Variants in CSMD1 observed in about 807,000 individuals in gnomAD.
The protein encoded by CSMD1 is CUB and Sushi multiple domains 1.
CSMD1 carries 213 observed loss-of-function variants against 417.5 expected under a neutral mutation model. The ratio of observed to expected loss-of-function variants is 0.51; its 90% CI spans 0.46 to 0.57. The LOEUF (loss-of-function observed/expected upper bound fraction) is 0.57, where lower values mean the gene tolerates loss of function less well. CSMD1 is among the 20% of genes least tolerant of loss of function. CSMD1 has a pLI of 0.00. For synonymous variants in CSMD1, 2,862 were observed against 1,736.8 expected, an observed-to-expected ratio of 1.65 and a Z score of -16.11; for missense variants, 6,923 against 4,529.7, an observed-to-expected ratio of 1.53 and a Z score of -15.17.
intron 23 of CSMD1, among the ~76,000 whole-genome samples, chr8:3,333,106 G>A (rs141003351): frequency 5.8e-4 from 88 of 152,292 alleles, no homozygotes; most frequent in African/African-American, 2.1e-3. Flanking sequence ...GCACCAAGGA[G>A]CTGGGAGTCT....
At chr8:3,518,707 G>C (rs755449783) in intron 10 of CSMD1, among the ~76,000 whole-genome samples, 4 of 152,180 alleles carry the variant, frequency 2.6e-5, no homozygotes, top group Non-Finnish European at 4.4e-5. Context: ...TAAGTAAGTA[G>C]TTGGTGTGGT....
At chr8:3,175,317 T>C (rs1353146442) in intron 37 of CSMD1, among the ~76,000 whole-genome samples, 1 of 152,198 alleles carries the variant, frequency 6.6e-6, no homozygotes, top group Non-Finnish European at 1.5e-5. Context: ...TTTTTCCTCA[T>C]AACCACAAAT....
At chr8:4,297,988 C>G (rs989863860) in intron 3 of CSMD1, among the ~76,000 whole-genome samples, 25 of 152,018 alleles carry the variant, frequency 1.6e-4, no homozygotes, top group African/African-American at 5.8e-4. Context: ...TGAAGAGGTG[C>G]TAAAATGTAG....
At chr8:3,476,276 T>C (rs1011902023) in intron 11 of CSMD1, among the ~76,000 whole-genome samples, 1 of 152,220 alleles carries the variant, frequency 6.6e-6, no homozygotes, top group Non-Finnish European at 1.5e-5. Flanking sequence ...TCCCATGTTG[T>C]TGTGTGTATC....
At chr8:4,977,863 A>G (rs753808479) in intron 1 of CSMD1, among the ~76,000 whole-genome samples, 2 of 152,248 alleles carry the variant, frequency 1.3e-5, no homozygotes, top group Non-Finnish European at 2.9e-5. Flanking sequence ...GCACAGTGGA[A>G]GAAGACCCAT....
intron 41 of CSMD1, among the ~76,000 whole-genome samples, chr8:3,138,386 C>G (rs934559815): frequency 1.3e-5 from 2 of 152,164 alleles, no homozygotes; most frequent in African/African-American, 2.4e-5. Flanking sequence ...CTTCAGGGTT[C>G]CATCCCAAGT....
intron 5 of CSMD1, among the ~76,000 whole-genome samples, chr8:3,807,378 C>T (rs1800805021): frequency 2.0e-5 from 3 of 152,150 alleles, no homozygotes; most frequent in African/African-American, 7.2e-5. Flanking sequence ...TATTCCCAAG[C>T]CCTTTATAGA....
intron 1 of CSMD1, among the ~76,000 whole-genome samples, chr8:4,722,882 T>C (rs994675996): frequency 6.6e-6 from 1 of 152,120 alleles, no homozygotes; most frequent in East Asian, 1.9e-4. Flanking sequence ...AGATTTCTCC[T>C]CTGTGAAATA....
intron 1 of CSMD1, among the ~76,000 whole-genome samples, chr8:4,651,173 A>G (rs1003766662): frequency 5.9e-5 from 9 of 152,208 alleles, no homozygotes; most frequent in African/African-American, 1.9e-4. Context: ...AAATCAAATT[A>G]TTGTACCAAA....
chr8:3,743,007 C>G (rs931354827), intron 6 of CSMD1, among the ~76,000 whole-genome samples: 1 of 152,206 alleles, frequency 6.6e-6, no homozygotes, highest in African/African-American at 2.4e-5. Context: ...CCACGCCACC[C>G]TTGGAACATA....
intron 3 of CSMD1, among the ~76,000 whole-genome samples, chr8:4,177,403 C>T (rs538659149): frequency 3.1e-4 from 47 of 152,008 alleles, no homozygotes; most frequent in African/African-American, 9.7e-4. Flanking sequence ...ACACAACATA[C>T]CAGAATCTCT....
At chr8:3,827,425 C>T (rs1802117972) in intron 5 of CSMD1, among the ~76,000 whole-genome samples, 1 of 152,120 alleles carries the variant, frequency 6.6e-6, no homozygotes. Flanking sequence ...GAAAAATAAA[C>T]ACATCTTATT....
chr8:3,895,609 T>G (rs1371352145), intron 5 of CSMD1, among the ~76,000 whole-genome samples: 3 of 152,222 alleles, frequency 2.0e-5, no homozygotes, highest in African/African-American at 4.8e-5. Flanking sequence ...ATGTACCATT[T>G]AGTAAAGTCT....
chr8:4,558,065 C>A (rs554231787), intron 2 of CSMD1, among the ~76,000 whole-genome samples: 3 of 152,104 alleles, frequency 2.0e-5, no homozygotes, highest in Non-Finnish European at 2.9e-5. Context: ...ACTGACTCAG[C>A]GATGAATCAA....
At chr8:3,803,605 G>A (rs139802471) in intron 5 of CSMD1, among the ~76,000 whole-genome samples, 7 of 152,288 alleles carry the variant, frequency 4.6e-5, no homozygotes, top group African/African-American at 7.2e-5. Flanking sequence ...AGACCAGTGT[G>A]TCTGCAGTGG....
At chr8:3,349,157 C>A (rs942799600) in intron 21 of CSMD1, among the ~76,000 whole-genome samples, 2 of 152,156 alleles carry the variant, frequency 1.3e-5, no homozygotes, top group Non-Finnish European at 2.9e-5. Context: ...CAGTTAGATG[C>A]CAGGTATGTA....
intron 3 of CSMD1, among the ~76,000 whole-genome samples, chr8:4,097,968 T>C (rs1801108853): frequency 6.6e-6 from 1 of 152,300 alleles, no homozygotes; most frequent in South Asian, 2.1e-4. Flanking sequence ...TGTTCTTATT[T>C]TTTAGAATCT....
chr8:4,893,806 T>C (rs999408523), intron 1 of CSMD1, among the ~76,000 whole-genome samples: 1 of 152,160 alleles, frequency 6.6e-6, no homozygotes, highest in Non-Finnish European at 1.5e-5. Context: ...CCAATGTCTT[T>C]TTAGCATATG....
intron 3 of CSMD1, among the ~76,000 whole-genome samples, chr8:4,417,046 T>G (rs1280102774): frequency 6.6e-6 from 1 of 152,038 alleles, no homozygotes; most frequent in Non-Finnish European, 1.5e-5. Context: ...AGTAAAATCT[T>G]ACAACACTGA....
Sources: gnomAD v4.1 joint callset for allele counts (sites outside exome capture counted in the v4.1 genomes callset) on GRCh38, gnomAD v4.1.1 for gene constraint, MANE v1.5 for transcripts, NCBI Gene and HGNC (gene_info 2026-07-23, HGNC 2026-07-21) for gene names.